Variants in PAG1 observed in about 807,000 individuals in gnomAD.
PAG1 encodes phosphoprotein membrane anchor with glycosphingolipid microdomains 1.
PAG1 carries 23 observed loss-of-function variants against 31.7 expected under a neutral mutation model. The observed-to-expected ratio is 0.73, with a 90% CI of 0.52 to 1.03. PAG1 has a LOEUF of 1.03. Among genes scored for constraint, PAG1 ranks in the 50% least tolerant of loss-of-function variants. PAG1 has a pLI of 0.00. For synonymous variants in PAG1, 214 were observed against 210.3 expected (o/e 1.02, Z -0.15); for missense variants, 473 against 540.7 (o/e 0.87, Z 1.24).
Position 81,111,997 on chromosome 8 carries a change from T to C in PAG1, c.-640A>G, listed in dbSNP as rs1809783505. On this transcript the variant is annotated 5_prime_UTR_variant, in exon 1 of 9. An upstream start codon of the reference 5' UTR is lost. Transcript: ENST00000220597. ...GCCCGCCCCCAGTCGGCTGGTCACA[T>C]CGCGGGCGCGCAGACGGACAAGCGA... The C allele has an allele frequency of 6.6e-6, 1 of 152,084 alleles. No individual in the cohort carries two copies. Among genetic ancestry groups the C allele is most frequent in the African/African-American group, 2.4e-5 (1 of 41,392 alleles). 9.4% of individuals were successfully genotyped at this position (152,084 alleles called of 1,614,324 possible). A position where few individuals can be genotyped will look rare whatever the true frequency, so the allele number is the denominator to read the frequency against.
chr8:80,976,944 G>T, intron 8 of PAG1, 38 bp from the exon 9 acceptor site: 6 of 1,556,762 alleles, frequency 3.9e-6, no homozygotes, highest in Non-Finnish European at 5.2e-6. Flanking sequence ...ACTTCCAGCT[G>T]TGACTTCCCC....
rs1027297414 is a variant in PAG1 at position 81,024,920 on chromosome 8, G to C, written c.-81+5076C>G. On this transcript the variant is annotated intron_variant, in intron 3 of 8. Transcript: ENST00000220597. ...TCACCAATTTTTCATTTGATGTGTT[G>C]TGTATTGTATCTTATTCTTAAAACT... Among the ~76,000 whole-genome samples the C allele has an allele frequency of 1.1e-4, 16 of 152,144 alleles. No individual in the cohort carries two copies. In the East Asian group the frequency reaches 2.7e-3, roughly 26 times the overall value.
intron 2 of PAG1, among the ~76,000 whole-genome samples, chr8:81,042,530 G>T (rs1055640842): frequency 3.3e-5 from 5 of 151,926 alleles, no homozygotes; most frequent in Admixed American, 3.3e-4. Flanking sequence ...TTATCATTTG[G>T]AGGTGCTTAT....
chr8:80,978,648 T>G (rs1807233632), intron 8 of PAG1, among the ~76,000 whole-genome samples: 2 of 152,382 alleles, frequency 1.3e-5, no homozygotes, highest in Non-Finnish European at 2.9e-5. Context: ...CTTGGTCTTC[T>G]TGGCCTTTGT....
At chr8:81,033,675 G>A (rs1808416885) in intron 2 of PAG1, among the ~76,000 whole-genome samples, 2 of 152,190 alleles carry the variant, frequency 1.3e-5, no homozygotes, top group South Asian at 4.1e-4. Flanking sequence ...TACTAATGAT[G>A]ACATTCATAA....
chr8:81,064,104 C>A (rs1198288709), intron 2 of PAG1, among the ~76,000 whole-genome samples: 1 of 152,188 alleles, frequency 6.6e-6, no homozygotes, highest in African/African-American at 2.4e-5. Flanking sequence ...AGCTTCCACA[C>A]CGGGGTTGAC....
At chr8:81,054,268 A>G (rs1238090265) in intron 2 of PAG1, among the ~76,000 whole-genome samples, 1 of 152,176 alleles carries the variant, frequency 6.6e-6, no homozygotes, top group African/African-American at 2.4e-5. Flanking sequence ...GATGGTTCCA[A>G]AACGTTGGCT....
intron 2 of PAG1, among the ~76,000 whole-genome samples, chr8:81,057,118 G>C (rs1285045140): frequency 5.3e-5 from 8 of 152,178 alleles, no homozygotes; most frequent in Admixed American, 4.6e-4. Context: ...TTACACTGTT[G>C]GTGGGACTGT....
At chr8:81,059,178 T>C (rs1362558060) in intron 2 of PAG1, among the ~76,000 whole-genome samples, 1 of 152,128 alleles carries the variant, frequency 6.6e-6, no homozygotes, top group Non-Finnish European at 1.5e-5. Context: ...TAATACTTAA[T>C]ACATTGTAAA....
chr8:81,036,403 C>A (rs190392519), intron 2 of PAG1, among the ~76,000 whole-genome samples: 60 of 152,192 alleles, frequency 3.9e-4, no homozygotes, highest in African/African-American at 1.4e-3. Context: ...AAAAATGTAT[C>A]CTTAAACTAA....
At chr8:81,023,281 T>C (rs1354781594) in intron 3 of PAG1, among the ~76,000 whole-genome samples, 3 of 152,188 alleles carry the variant, frequency 2.0e-5, no homozygotes, top group Admixed American at 2.0e-4. Context: ...GACTTGTTTT[T>C]GAAATTTTTG....
At chr8:81,061,744 G>A (rs1808920340) in intron 2 of PAG1, among the ~76,000 whole-genome samples, 1 of 152,178 alleles carries the variant, frequency 6.6e-6, no homozygotes, top group Non-Finnish European at 1.5e-5. Flanking sequence ...TACCAGATAG[G>A]GAACATTTAA....
intron 2 of PAG1, among the ~76,000 whole-genome samples, chr8:81,065,073 G>A (rs1808980930): frequency 6.6e-6 from 1 of 152,162 alleles, no homozygotes; most frequent in South Asian, 2.1e-4. Context: ...AGACCTGGCA[G>A]AGCACCAGCT....
Position 80,987,465 on chromosome 8 carries a change from G to A in PAG1, c.179C>T (p.Pro60Leu). ...ACGGCTGAACATCTCCTTGTCTGAAGGCTGAAAACAAAAACAAAAACAAAA... is the reference window on the plus strand; with the variant it reads ...ACGGCTGAACATCTCCTTGTCTGAAAGCTGAAAACAAAAACAAAAACAAAA... ...SGDHENLMNV[P>L]SDKEMFSRSV... The change falls in exon 6 of 9, where the codon CCT becomes CTT. Residue 60 changes from proline to leucine, a missense_variant and splice_region_variant. Transcript: ENST00000220597. The A allele has an allele frequency of 1.2e-6, 2 of 1,611,940 alleles. No homozygotes were observed. Among genetic ancestry groups the A allele is most frequent in the Non-Finnish European group, 1.7e-6 (2 of 1,178,106 alleles).
chr8:81,089,497 G>T (rs567822795), intron 1 of PAG1, among the ~76,000 whole-genome samples: 1 of 152,240 alleles, frequency 6.6e-6, no homozygotes, highest in South Asian at 2.1e-4. Flanking sequence ...GAACCCAGGA[G>T]GTGGAGCTTG....
intron 1 of PAG1, among the ~76,000 whole-genome samples, chr8:81,098,635 C>T (rs1401587138): frequency 1.3e-5 from 2 of 152,104 alleles, no homozygotes; most frequent in African/African-American, 4.8e-5. Context: ...TTCTTGGGCC[C>T]CGGGGCTGGT....
At chr8:81,027,677 A>T (rs541920609) in intron 3 of PAG1, among the ~76,000 whole-genome samples, 40 of 152,200 alleles carry the variant, frequency 2.6e-4, no homozygotes, top group African/African-American at 8.9e-4. Context: ...AGGCCGAGGC[A>T]GGCGGATCAC....
At chr8:81,009,775 G>A (rs1807948264) in intron 3 of PAG1, among the ~76,000 whole-genome samples, 1 of 152,144 alleles carries the variant, frequency 6.6e-6, no homozygotes, top group East Asian at 1.9e-4. Flanking sequence ...ACCACATCTG[G>A]TTAATTTTTA....
At chr8:81,086,512 C>CT (rs893496195) in intron 1 of PAG1, among the ~76,000 whole-genome samples, 2 of 149,920 alleles carry the variant, frequency 1.3e-5, no homozygotes, top group East Asian at 3.9e-4. Flanking sequence ...TGTGCGCGCG[C>CT]GTGTGTGTGT....
Sources: allele counts gnomAD v4.1 joint callset (sites outside exome capture counted in the v4.1 genomes callset), GRCh38; gene constraint gnomAD v4.1.1; transcripts MANE v1.5; gene names NCBI Gene and HGNC (gene_info 2026-07-23, HGNC 2026-07-21).